The following ARHGEF39 variants were observed in gnomAD, a reference collection of about 807,000 sequenced individuals.
ARHGEF39 encodes the protein Rho guanine nucleotide exchange factor 39, also known as Rho guanine nucleotide exchange factor (GEF) 39.
A neutral mutation model predicts 47.5 loss-of-function variants in ARHGEF39; 45 were observed. That is an observed-to-expected ratio of 0.95 (90% CI 0.75 to 1.22). The LOEUF is 1.22. Among genes scored for constraint, ARHGEF39 ranks in the 50% most tolerant of loss-of-function variants. The pLI is 0.00. For synonymous variants in ARHGEF39, 164 were observed against 167.8 expected (o/e 0.98, Z 0.17); for missense variants, 411 against 425.3 (o/e 0.97, Z 0.30).
rs561977892 is a variant in ARHGEF39, at chr9:35,661,119, A to C, written c.*868T>G. The C allele has an allele frequency of 1.2e-6, 2 of 1,613,870 alleles. No individual in the cohort carries two copies. Among genetic ancestry groups the C allele is most frequent in the African/African-American group, 2.7e-5 (2 of 75,038 alleles). On this transcript the variant is annotated 3_prime_UTR_variant, in exon 9 of 9. Coordinates refer to ENST00000378387, the MANE Select transcript of ARHGEF39 (RefSeq NM_032818.3). Reference sequence around the variant, plus strand: ...CAGCCAGGCTGTGGCAAAGGGCCCCAGTCACAGCCTTGGCTGGGAAGGAGG... The same window carrying C: ...CAGCCAGGCTGTGGCAAAGGGCCCCCGTCACAGCCTTGGCTGGGAAGGAGG...
chr9:35,661,083 C>G lies in ARHGEF39; in HGVS notation c.*904G>C, dbSNP rs753387364. 1 of 1,613,992 alleles carries G rather than the reference C, an allele frequency of 6.2e-7. No individual in the cohort carries two copies. Among genetic ancestry groups the G allele is most frequent in the African/African-American group, 1.3e-5 (1 of 74,908 alleles). ...TTCCTGGGAGGTGGGGCGGGGACTACGGAGAAGGTGCAGCCAGGCTGTGGC... is the reference window on the plus strand; with the variant it reads ...TTCCTGGGAGGTGGGGCGGGGACTAGGGAGAAGGTGCAGCCAGGCTGTGGC... On this transcript the variant is annotated 3_prime_UTR_variant, in exon 9 of 9. Transcript: ENST00000378387.
In ARHGEF39 at chr9:35,662,533, G is replaced by T. The variant is rs150342663; in HGVS notation, c.882C>A (p.Gly294=). Residue 294 remains glycine, a synonymous_variant, in exon 7 of 9, where the codon GGC becomes GGA. Coordinates refer to ENST00000378387, the MANE Select transcript of ARHGEF39 (RefSeq NM_032818.3). ...HLSRVFGHSG[G]PCGGLLSLSF... ...TTACACTGAGCAACCCACCACAAGG[G>T]CCTCCTGAGTGGCCAAAGACCCTGC... is the stretch of plus-strand genomic sequence containing the variant. The T allele has an allele frequency of 1.9e-3, 3,050 of 1,613,926 alleles. 4 individuals carry two copies. The highest frequency in any genetic ancestry group is 2.4e-3 in the Non-Finnish European group (2,841 of 1,179,894).
At position 35,660,660 on chromosome 9, in the gene ARHGEF39, A is replaced by G; in HGVS notation, c.*1327T>C. 1 of 1,614,152 alleles carries G rather than the reference A, an allele frequency of 6.2e-7. No homozygotes were observed. Among genetic ancestry groups the G allele is most frequent in the Non-Finnish European group, 8.5e-7 (1 of 1,179,994 alleles). Reference sequence around the variant, plus strand: ...CCCTTTTTGAGCGGTGAGGAGAGCAATGATTCTGTGAATTTTTGGGGAATT... The same window carrying G: ...CCCTTTTTGAGCGGTGAGGAGAGCAGTGATTCTGTGAATTTTTGGGGAATT... On this transcript the variant is annotated 3_prime_UTR_variant, in exon 9 of 9. Coordinates refer to ENST00000378387, the MANE Select transcript of ARHGEF39 (RefSeq NM_032818.3).
Position 35,662,973 on chromosome 9 carries a change from C to G in ARHGEF39, c.646G>C (p.Gly216Arg). Reference protein sequence around the residue: ...HLRRVQALLSGRQAKGLTSGR... With the variant: ...HLRRVQALLSRRQAKGLTSGR... ...GAGGTCAGCCCCTTTGCCTGGCGTC[C>G]ACTGAGCAGAGCCTGGACACGCCGA... Residue 216 changes from glycine to arginine, a missense_variant, in exon 6 of 9, where the codon GGA becomes CGA. Coordinates refer to ENST00000378387, the MANE Select transcript of ARHGEF39 (RefSeq NM_032818.3). 1 of 1,609,148 alleles carries G rather than the reference C, an allele frequency of 6.2e-7. No individual in the cohort carries two copies. Among genetic ancestry groups the G allele is most frequent in the South Asian group, 1.1e-5 (1 of 90,734 alleles).
In ARHGEF39 at chr9:35,661,572, T is replaced by C; in HGVS notation, c.*415A>G. On this transcript the variant is annotated 3_prime_UTR_variant, in exon 9 of 9. Transcript: ENST00000378387. Reference sequence around the variant, plus strand: ...ACGGGCCATGGACACAGCACAGAGCTTATCAGTCCCAAATCCCCTCATCTG... The same window carrying C: ...ACGGGCCATGGACACAGCACAGAGCCTATCAGTCCCAAATCCCCTCATCTG... The C allele has an allele frequency of 2.3e-6, 1 of 433,146 alleles. No individual in the cohort carries two copies. The highest frequency in any genetic ancestry group is 4.1e-6 in the Non-Finnish European group (1 of 246,446). The allele number at this position is 433,146 out of a possible 1,614,324, so 26.8% of individuals were successfully genotyped here. A position where few individuals can be genotyped will look rare whatever the true frequency, so the allele number is the denominator to read the frequency against.
Position 35,665,165 on chromosome 9 carries a change from T to C in ARHGEF39, c.5A>G (p.Glu2Gly). 1 of 1,491,012 alleles carries C rather than the reference T, an allele frequency of 6.7e-7. No individual in the cohort carries two copies. Among genetic ancestry groups the C allele is most frequent in the Non-Finnish European group, 9.0e-7 (1 of 1,115,988 alleles). The allele number at this position is 1,491,012 out of a possible 1,614,324, so 92.4% of individuals were successfully genotyped here. A position where few individuals can be genotyped will look rare whatever the true frequency, so the allele number is the denominator to read the frequency against. The stretch of plus-strand genomic sequence containing the variant: ...GCACCGCGAACCGGGGCAGGAGAGC[T>C]CCATGCCCTGGCTGAGGGATCGACA... M[E>G]LSCPGSRCPV... The change falls in exon 1 of 9, where the codon GAG becomes GGG. Residue 2 changes from glutamate to glycine, a missense_variant. Physicochemically the swap from Glu to Gly is moderately conservative, Grantham distance 98. Coordinates refer to ENST00000378387, the MANE Select transcript of ARHGEF39 (RefSeq NM_032818.3).
chr9:35,665,070 C>A lies in ARHGEF39; in HGVS notation c.100G>T (p.Glu34Ter). ...CCCAGCTGTTCTTGGTAGCGCCGCTCGGTCTCTAGCAGCTCCCGGGCGGTG... is the reference window on the plus strand; with the variant it reads ...CCCAGCTGTTCTTGGTAGCGCCGCTAGGTCTCTAGCAGCTCCCGGGCGGTG... The part of the protein sequence containing the change: ...ACTARELLET[E>*]RRYQEQLGLV... Residue 34 changes from glutamate to a stop codon, truncating the protein, a stop_gained, in exon 1 of 9, where the codon GAG (glutamate) becomes TAG (stop). Transcript: ENST00000378387. LOFTEE classifies it high-confidence loss of function. The A allele has an allele frequency of 6.4e-7, 1 of 1,561,276 alleles. No individual in the cohort carries two copies. The highest frequency in any genetic ancestry group is 1.2e-5 in the South Asian group (1 of 85,340).
Position 35,664,057 on chromosome 9 carries a change from C to T in ARHGEF39, c.424G>A (p.Gly142Ser). ...GGGAGCAGGTCCTGGAGCTGAAGGCCCCCAAACTCAGGGCGGCCTTCCTGA... is the reference window on the plus strand; with the variant it reads ...GGGAGCAGGTCCTGGAGCTGAAGGCTCCCAAACTCAGGGCGGCCTTCCTGA... The part of the protein sequence containing the change: ...RLQEGRPEFG[G>S]LQLQDLLPLP... The change falls in exon 4 of 9, where the codon GGC becomes AGC. Residue 142 changes from glycine to serine, a missense_variant. Coordinates refer to ENST00000378387, the MANE Select transcript of ARHGEF39 (RefSeq NM_032818.3). The T allele has an allele frequency of 6.2e-7, 1 of 1,614,098 alleles. No homozygotes were observed. The highest frequency in any genetic ancestry group is 8.5e-7 in the Non-Finnish European group (1 of 1,179,972).
chr9:35,660,332 C>A lies in ARHGEF39; in HGVS notation c.*1655G>T, dbSNP rs1823849109. ...TCAAATTGCACTCTCTCTTGGCTGG[C>A]TCTGGAGACTGAGGTGATGGAGCAG... On this transcript the variant is annotated 3_prime_UTR_variant, in exon 9 of 9. Coordinates refer to ENST00000378387, the MANE Select transcript of ARHGEF39 (RefSeq NM_032818.3). 1 of 1,367,824 alleles carries A rather than the reference C, an allele frequency of 7.3e-7. No individual in the cohort carries two copies. Among genetic ancestry groups the A allele is most frequent in the Non-Finnish European group, 1.0e-6 (1 of 997,252 alleles). 84.7% of individuals were successfully genotyped at this position (1,367,824 alleles called of 1,614,324 possible).
chr9:35,663,180 T>C lies in ARHGEF39; in HGVS notation c.545-106A>G, dbSNP rs763279965. The C allele has an allele frequency of 2.0e-5, 31 of 1,586,202 alleles. 2 individuals carry two copies. The Middle Eastern group carries it at 5.0e-4, about 26-fold the overall frequency. On this transcript the variant is annotated intron_variant, in intron 5 of 8. Transcript: ENST00000378387. Reference sequence around the variant, plus strand: ...GGACCAGGGTCAGGGTCTGACTTCTTGAAGAAAAGGCAGAGCAGTAGGGAC... The same window carrying C: ...GGACCAGGGTCAGGGTCTGACTTCTCGAAGAAAAGGCAGAGCAGTAGGGAC...
At position 35,660,390 on chromosome 9, in the gene ARHGEF39, T is replaced by G; in HGVS notation, c.*1597A>C. On this transcript the variant is annotated 3_prime_UTR_variant, in exon 9 of 9. Coordinates refer to ENST00000378387, the MANE Select transcript of ARHGEF39 (RefSeq NM_032818.3). ...TTGCTTCAGTACTGCCCTTTCCTTC[T>G]TCCACAACAGGGGAAAGATGAAACT... 1 of 1,587,634 alleles carries G rather than the reference T, an allele frequency of 6.3e-7. No individual in the cohort carries two copies. Among genetic ancestry groups the G allele is most frequent in the Non-Finnish European group, 8.6e-7 (1 of 1,167,578 alleles).
At position 35,661,323 on chromosome 9, in the gene ARHGEF39, G is replaced by T; in HGVS notation, c.*664C>A. The T allele has an allele frequency of 1.6e-6, 1 of 625,280 alleles. No homozygotes were observed. 38.7% of individuals were successfully genotyped at this position (625,280 alleles called of 1,614,324 possible). A position where few individuals can be genotyped will look rare whatever the true frequency, so the allele number is the denominator to read the frequency against. ...GGCTGCCTTCCAGTGTGACAGCAGA[G>T]AAGATAGAGGGAGCTCCAGCTCTTT... On this transcript the variant is annotated 3_prime_UTR_variant, in exon 9 of 9. Coordinates refer to ENST00000378387, the MANE Select transcript of ARHGEF39 (RefSeq NM_032818.3).
chr9:35,662,438 C>A (rs577650895), intron 7 of ARHGEF39, 74 bp downstream of exon 7: 87 of 1,500,608 alleles, frequency 5.8e-5, no homozygotes, highest in Non-Finnish European at 7.9e-5. Context: ...AAAAGGGACC[C>A]AGACCAGGGA....
chr9:35,664,912 C>A (rs1824155471), intron 1 of ARHGEF39, 62 bp from the exon 2 acceptor site: 8 of 1,567,452 alleles, frequency 5.1e-6, no homozygotes, highest in Non-Finnish European at 6.9e-6. Flanking sequence ...GCCAAGCGCC[C>A]CCAGAAACCG....
Position 35,660,868 on chromosome 9 carries a change from C to T in ARHGEF39, c.*1119G>A, listed in dbSNP as rs762343169. ...GAGGCTTCAGAACCAGGTGAAGGCT[C>T]GGGAGGCGAGTCTGCTGGAGGTGGA... On this transcript the variant is annotated 3_prime_UTR_variant, in exon 9 of 9. Transcript: ENST00000378387. The T allele has an allele frequency of 2.2e-5, 36 of 1,614,084 alleles. No homozygotes were observed. Among genetic ancestry groups the T allele is most frequent in the Non-Finnish European group, 2.6e-5 (31 of 1,180,028 alleles).
chr9:35,661,185 T>G lies in ARHGEF39; in HGVS notation c.*802A>C. The G allele has an allele frequency of 1.3e-6, 2 of 1,590,626 alleles. No homozygotes were observed. Among genetic ancestry groups the G allele is most frequent in the Non-Finnish European group, 1.7e-6 (2 of 1,166,780 alleles). On this transcript the variant is annotated 3_prime_UTR_variant, in exon 9 of 9. Coordinates refer to ENST00000378387, the MANE Select transcript of ARHGEF39 (RefSeq NM_032818.3). ...TCGACTAAAACAAAGTCTGTTTTCA[T>G]GATGGAGTGCTCCTGTGTGTTTTTT...
In ARHGEF39 at chr9:35,664,192, A is replaced by G. The variant is rs1587936123; in HGVS notation, c.355-66T>C. 29 of 1,549,558 alleles carry G rather than the reference A, an allele frequency of 1.9e-5. No homozygotes were observed. In the East Asian group the frequency reaches 5.4e-4, roughly 29 times the overall value. ...CACTCCTTATATTGCATTCATCTGT[A>G]TCCACATTCCCAGCCTTCAGTAAGC... On this transcript the variant is annotated intron_variant, in intron 3 of 8. Coordinates refer to ENST00000378387, the MANE Select transcript of ARHGEF39 (RefSeq NM_032818.3).
intron 5 of ARHGEF39, 22 bp downstream of exon 5, chr9:35,663,300 T>C (rs564896085): frequency 3.1e-6 from 5 of 1,613,252 alleles, no homozygotes; most frequent in South Asian, 1.1e-5. Flanking sequence ...CCAGCCTGCG[T>C]TGCCGAGGAG....
Position 35,661,430 on chromosome 9 carries a change from G to T in ARHGEF39, c.*557C>A. The T allele has an allele frequency of 4.4e-6, 2 of 451,154 alleles. No individual in the cohort carries two copies. The highest frequency in any genetic ancestry group is 5.9e-5 in the South Asian group (1 of 17,042). 27.9% of individuals were successfully genotyped at this position (451,154 alleles called of 1,614,324 possible). On this transcript the variant is annotated 3_prime_UTR_variant, in exon 9 of 9. Coordinates refer to ENST00000378387, the MANE Select transcript of ARHGEF39 (RefSeq NM_032818.3). ...TCTCATAGCAAAACTGAGACAGAAG[G>T]GTCTTTCCCAAAAAAAAGAAAAAAA...
Sources: gnomAD v4.1 joint callset for allele counts on GRCh38, gnomAD v4.1.1 for gene constraint, MANE v1.5 for transcripts, NCBI Gene and HGNC (gene_info 2026-07-23, HGNC 2026-07-21) for gene names.